Variants in SUMF1 observed in about 807,000 individuals in gnomAD.
SUMF1 encodes formylglycine-generating enzyme.
Under a neutral mutation model 47.6 loss-of-function variants are expected in SUMF1, and 48 were observed. That is an observed-to-expected ratio of 1.01 (90% CI 0.80 to 1.28). The LOEUF (loss-of-function observed/expected upper bound fraction) is 1.28, where lower values mean the gene tolerates loss of function less well. Ranked by LOEUF, SUMF1 falls within the 50% of genes most tolerant of loss-of-function variation. The pLI, the probability that SUMF1 is intolerant of heterozygous loss-of-function variation, is 0.00. For synonymous variants in SUMF1, 230 were observed against 192.1 expected (o/e 1.20, Z -1.63); for missense variants, 571 against 485.4 (o/e 1.18, Z -1.66).
chr3:4,170,492 G>C (rs1226209327), intron 8 of SUMF1, among the ~76,000 whole-genome samples: 1 of 152,128 alleles, frequency 6.6e-6, no homozygotes, highest in Non-Finnish European at 1.5e-5. Flanking sequence ...AGACAGGAGT[G>C]GGGAATAAGG....
chr3:4,137,049 T>G (rs1356765976), intron 8 of SUMF1, among the ~76,000 whole-genome samples: 3 of 152,094 alleles, frequency 2.0e-5, no homozygotes, highest in Non-Finnish European at 4.4e-5. Context: ...TCAACCATTG[T>G]GGAAGACAGT....
At chr3:4,153,016 A>G (rs1694373486) in intron 8 of SUMF1, among the ~76,000 whole-genome samples, 1 of 151,526 alleles carries the variant, frequency 6.6e-6, no homozygotes, top group South Asian at 2.1e-4. Flanking sequence ...GCCTGGTCCT[A>G]AACCAAGCCC....
intron 8 of SUMF1, among the ~76,000 whole-genome samples, chr3:4,265,757 G>T (rs963124309): frequency 1.3e-5 from 2 of 152,072 alleles, no homozygotes; most frequent in African/African-American, 4.8e-5. Context: ...GTCAATTTTG[G>T]CTTTTGTTGC....
At chr3:4,312,931 G>C in intron 8 of SUMF1, 1 of 1,613,364 alleles carries the variant, frequency 6.2e-7, no homozygotes, top group Non-Finnish European at 8.5e-7. Context: ...ACCTGGAGCA[G>C]ACATTGATCC....
At position 4,143,587 on chromosome 3, in the gene SUMF1, C is replaced by A. The variant is rs577040328; in HGVS notation, c.1015-74842G>T. On this transcript the variant is annotated intron_variant and NMD_transcript_variant, in intron 8 of 12. Transcript: ENST00000448413. Reference sequence around the variant, plus strand: ...ACATAATCAAACGATATTCATGAGCCCTCTCTGTGAACTAAAAACCCATTT... The same window carrying A: ...ACATAATCAAACGATATTCATGAGCACTCTCTGTGAACTAAAAACCCATTT... 2.0e-5 allele frequency among the ~76,000 whole-genome samples: 3 copies of A among 152,076 alleles called. No homozygotes were observed. In the South Asian group the frequency reaches 6.2e-4, roughly 32 times the overall value.
chr3:4,443,458 G>T (rs1014216534), intron 3 of SUMF1, among the ~76,000 whole-genome samples: 4 of 151,390 alleles, frequency 2.6e-5, no homozygotes, highest in Non-Finnish European at 4.4e-5. Context: ...CAAAAGAGAA[G>T]AAAAAATTAA....
chr3:4,433,078 T>C (rs1702287849), intron 3 of SUMF1, among the ~76,000 whole-genome samples: 1 of 152,242 alleles, frequency 6.6e-6, no homozygotes, highest in African/African-American at 2.4e-5. Flanking sequence ...CAAATTCTTA[T>C]TTTTGCATAA....
downstream of SUMF1, among the ~76,000 whole-genome samples, chr3:4,358,153 C>T (rs1444515761): frequency 1.3e-5 from 2 of 152,044 alleles, no homozygotes; most frequent in Non-Finnish European, 2.9e-5. Flanking sequence ...TTTCCCCCAG[C>T]CCCTGCCTTC....
At chr3:4,445,419 C>T (rs1034904804) in intron 3 of SUMF1, among the ~76,000 whole-genome samples, 2 of 152,164 alleles carry the variant, frequency 1.3e-5, no homozygotes, top group African/African-American at 4.8e-5. Flanking sequence ...CTCACTGAAA[C>T]CTCGAACTCC....
intron 8 of SUMF1, among the ~76,000 whole-genome samples, chr3:4,258,813 CAT>C (rs1267290466): frequency 7.3e-6 from 1 of 137,580 alleles, no homozygotes; most frequent in African/African-American, 2.7e-5. Flanking sequence ...CACATGCACA[CAT>C]ATGTTTATTG....
intron 4 of SUMF1, 123 bp from the exon 5 acceptor site, chr3:4,418,255 C>G: frequency 2.1e-6 from 3 of 1,428,292 alleles, no homozygotes; most frequent in South Asian, 1.2e-5. Context: ...CATCCTGGTC[C>G]TTAAGTCAAA....
At chr3:4,379,768 C>T (rs1020243610) in intron 7 of SUMF1, among the ~76,000 whole-genome samples, 6 of 147,196 alleles carry the variant, frequency 4.1e-5, no homozygotes, top group African/African-American at 2.5e-5. Flanking sequence ...CTTGAATCCG[C>T]GAGGCGGAGG....
At chr3:4,443,885 A>G (rs1335432632) in intron 3 of SUMF1, among the ~76,000 whole-genome samples, 3 of 152,202 alleles carry the variant, frequency 2.0e-5, no homozygotes, top group Non-Finnish European at 4.4e-5. Flanking sequence ...GAATAAAACA[A>G]AAGGACACAC....
chr3:4,410,927 C>T lies in SUMF1; in HGVS notation c.892G>A (p.Ala298Thr), dbSNP rs1249221556. The T allele has an allele frequency of 3.1e-6, 5 of 1,614,116 alleles. No individual in the cohort carries two copies. Among genetic ancestry groups the T allele is most frequent in the Admixed American group, 3.3e-5 (2 of 60,024 alleles). Reference sequence around the variant, plus strand: ...CACCAGTCTGAAGTCCATTCCCATGCGTTCCCCACTATGTTGTATAAGCCA... The same window carrying T: ...CACCAGTCTGAAGTCCATTCCCATGTGTTCCCCACTATGTTGTATAAGCCA... ...GYGLYNIVGNAWEWTSDWWTV... is the reference protein window; with the variant it reads ...GYGLYNIVGNTWEWTSDWWTV... Residue 298 changes from alanine to threonine, a missense_variant, in exon 7 of 9, where the codon GCA (alanine) becomes ACA (threonine). By Grantham distance (58) the Ala-to-Thr change is moderately conservative. Coordinates refer to ENST00000272902, the MANE Select transcript of SUMF1 (RefSeq NM_182760.4).
intron 8 of SUMF1, among the ~76,000 whole-genome samples, chr3:4,302,674 T>C (rs146244586): frequency 7.9e-4 from 120 of 152,054 alleles, no homozygotes; most frequent in Middle Eastern, 3.4e-3. Context: ...GTTTGGAGGA[T>C]TGGAATTTTA....
At chr3:4,248,034 C>G (rs1696707981) in intron 8 of SUMF1, among the ~76,000 whole-genome samples, 1 of 152,168 alleles carries the variant, frequency 6.6e-6, no homozygotes, top group Non-Finnish European at 1.5e-5. Flanking sequence ...CAAATTGACA[C>G]AAATGTTTAG....
intron 9 of SUMF1, among the ~76,000 whole-genome samples, chr3:4,034,489 C>T (rs886917432): frequency 1.3e-5 from 2 of 152,256 alleles, no homozygotes; most frequent in Non-Finnish European, 2.9e-5. Context: ...GCAACCACTG[C>T]CTCAAAATTA....
At chr3:4,421,760 C>A (rs1415502618) in intron 3 of SUMF1, among the ~76,000 whole-genome samples, 6 of 152,170 alleles carry the variant, frequency 3.9e-5, no homozygotes, top group Admixed American at 3.9e-4. Context: ...GCTGGGATTA[C>A]AGGTGTAAGC....
chr3:4,339,261 A>G (rs903771886), intron 8 of SUMF1, among the ~76,000 whole-genome samples: 6 of 152,114 alleles, frequency 3.9e-5, no homozygotes, highest in Non-Finnish European at 7.4e-5. Flanking sequence ...CATCCTCTTT[A>G]AAGTCTCAAC....
Sources: allele counts gnomAD v4.1 joint callset (sites outside exome capture counted in the v4.1 genomes callset), GRCh38; gene constraint gnomAD v4.1.1; transcripts MANE v1.5; gene names NCBI Gene and HGNC (gene_info 2026-07-23, HGNC 2026-07-21).